The following SPMIP3 variants were observed in gnomAD, a reference collection of about 807,000 sequenced individuals.
SPMIP3 encodes the protein protein SPMIP3.
At chr1:244,385,833 G>C in the SPMIP3 span, among the ~76,000 whole-genome samples, 1 of 152,050 alleles carries the variant, frequency 6.6e-6, no homozygotes, top group Admixed American at 6.6e-5. Flanking sequence ...CGGTGCACAA[G>C]GTAAAAATCA....
chr1:244,363,171 C>T, the SPMIP3 span, among the ~76,000 whole-genome samples: 1 of 151,954 alleles, frequency 6.6e-6, no homozygotes, highest in African/African-American at 2.4e-5. Context: ...TTTGAGAGGC[C>T]GAGGTGGGTG....
chr1:244,381,714 T>C, the SPMIP3 span, among the ~76,000 whole-genome samples: 18 of 152,282 alleles, frequency 1.2e-4, no homozygotes, highest in African/African-American at 4.3e-4. Flanking sequence ...GAGGATCACC[T>C]GAGGTGAGAA....
the SPMIP3 span, among the ~76,000 whole-genome samples, chr1:244,384,033 C>T: frequency 4.6e-5 from 7 of 152,064 alleles, no homozygotes; most frequent in African/African-American, 1.7e-4. Context: ...AAGAGCTTAC[C>T]ATGTAACCAA....
chr1:244,387,262 C>T, the SPMIP3 span, among the ~76,000 whole-genome samples: 6 of 151,404 alleles, frequency 4.0e-5, no homozygotes, highest in South Asian at 2.1e-4. Flanking sequence ...GGCGCCACTG[C>T]GCTCCAGCCT....
At chr1:244,378,587 G>T in the SPMIP3 span, 3 of 1,614,018 alleles carry the variant, frequency 1.9e-6, no homozygotes, top group African/African-American at 4.0e-5. Context: ...CCGAGCCATG[G>T]TATAAAGAAA....
the SPMIP3 span, among the ~76,000 whole-genome samples, chr1:244,385,383 A>AT: frequency 6.6e-6 from 1 of 152,206 alleles, no homozygotes; most frequent in Non-Finnish European, 1.5e-5. Context: ...TCCTTAGGAA[A>AT]CATTTTTTGG....
chr1:244,388,950 G>T, the SPMIP3 span: 1 of 1,610,858 alleles, frequency 6.2e-7, no homozygotes. Flanking sequence ...TTAAATTCCA[G>T]ATTGGAACCA....
the SPMIP3 span, among the ~76,000 whole-genome samples, chr1:244,356,020 C>T: frequency 1.9e-3 from 290 of 152,256 alleles, 3 homozygotes; most frequent in African/African-American, 6.6e-3. Context: ...TCTCACTAAG[C>T]ATAGCTGTTG....
the SPMIP3 span, among the ~76,000 whole-genome samples, chr1:244,380,168 G>T: frequency 7.6e-6 from 1 of 130,802 alleles, no homozygotes; most frequent in South Asian, 2.4e-4. Flanking sequence ...TCACTCTGTC[G>T]CCCAGGCTGG....
the SPMIP3 span, among the ~76,000 whole-genome samples, chr1:244,362,716 C>A: frequency 6.6e-6 from 1 of 152,090 alleles, no homozygotes; most frequent in Non-Finnish European, 1.5e-5. Context: ...AAACCATAGG[C>A]CCAGCTGTCT....
the SPMIP3 span, among the ~76,000 whole-genome samples, chr1:244,363,817 A>C: frequency 1.3e-5 from 2 of 152,226 alleles, no homozygotes; most frequent in Non-Finnish European, 2.9e-5. Flanking sequence ...TATGCTCCAC[A>C]ACCTTGCTTG....
chr1:244,360,453 C>T, the SPMIP3 span, among the ~76,000 whole-genome samples: 5 of 148,986 alleles, frequency 3.4e-5, no homozygotes, highest in African/African-American at 1.2e-4. Context: ...AATAGCCAAG[C>T]TATGGAATCA....
chr1:244,360,776 C>T, the SPMIP3 span, among the ~76,000 whole-genome samples: 2 of 151,372 alleles, frequency 1.3e-5, no homozygotes, highest in African/African-American at 4.9e-5. Flanking sequence ...CCCAGCTACT[C>T]AGGAGGCTAA....
chr1:244,380,270 C>A, the SPMIP3 span, among the ~76,000 whole-genome samples: 1 of 151,826 alleles, frequency 6.6e-6, no homozygotes, highest in Non-Finnish European at 1.5e-5. Flanking sequence ...CAGGTATGCG[C>A]CACCATGCCC....
chr1:244,375,358 A>G, the SPMIP3 span: 2 of 1,602,886 alleles, frequency 1.2e-6, no homozygotes, highest in Non-Finnish European at 1.7e-6. Context: ...TCACCTCCTC[A>G]CTTTCTGCTC....
the SPMIP3 span, among the ~76,000 whole-genome samples, chr1:244,381,013 G>A: frequency 1.3e-5 from 2 of 152,074 alleles, no homozygotes; most frequent in Non-Finnish European, 2.9e-5. Flanking sequence ...GGAGGAGGCT[G>A]GGGCTGAGGT....
At chr1:244,360,530 A>ACG in the SPMIP3 span, among the ~76,000 whole-genome samples, 1 of 63,954 alleles carries the variant, frequency 1.6e-5, no homozygotes, top group African/African-American at 4.6e-5. Flanking sequence ...ACACACACAC[A>ACG]CACACACACA....
the SPMIP3 span, among the ~76,000 whole-genome samples, chr1:244,367,343 C>T: frequency 6.6e-6 from 1 of 152,116 alleles, no homozygotes; most frequent in African/African-American, 2.4e-5. Flanking sequence ...AACAGATTGT[C>T]TGAGGACAAG....
chr1:244,380,253 G>A, the SPMIP3 span, among the ~76,000 whole-genome samples: 6 of 150,402 alleles, frequency 4.0e-5, no homozygotes, highest in African/African-American at 1.5e-4. Context: ...CCAAGTAACT[G>A]GGATTACAGG....
Sources: gnomAD v4.1 joint callset for allele counts (sites outside exome capture counted in the v4.1 genomes callset) on GRCh38, gnomAD v4.1.1 for gene constraint, MANE v1.5 for transcripts, NCBI Gene and HGNC (gene_info 2026-07-23, HGNC 2026-07-21) for gene names.